Variants in ZMAT3 observed in about 807,000 individuals in gnomAD.
The protein encoded by ZMAT3 is zinc finger matrin-type 3, also known as zinc finger matrin-type protein 3.
Under a neutral mutation model 32.3 loss-of-function variants are expected in ZMAT3, and 17 were observed. The ratio of observed to expected loss-of-function variants is 0.53; its 90% CI spans 0.36 to 0.79. The LOEUF is 0.79. Among genes scored for constraint, ZMAT3 ranks in the 30% least tolerant of loss-of-function variants. The pLI is 0.00. For missense variants in ZMAT3, 329 were observed against 359.7 expected, an observed-to-expected ratio of 0.91 and a Z score of 0.69; for synonymous variants, 120 against 133.1, an observed-to-expected ratio of 0.90 and a Z score of 0.68.
At chr3:179,058,511 C>A (rs1377560792) in intron 2 of ZMAT3, among the ~76,000 whole-genome samples, 1 of 152,204 alleles carries the variant, frequency 6.6e-6, no homozygotes, top group Non-Finnish European at 1.5e-5. Flanking sequence ...AATCCCAGCA[C>A]TTTGGGAGGC....
At chr3:179,033,918 T>C (rs534632370) in intron 2 of ZMAT3, among the ~76,000 whole-genome samples, 5 of 152,308 alleles carry the variant, frequency 3.3e-5, no homozygotes, top group Admixed American at 1.3e-4. Context: ...AGACAGGCCT[T>C]CCAAATCAAA....
intron 2 of ZMAT3, among the ~76,000 whole-genome samples, chr3:179,036,941 C>T (rs1051509983): frequency 1.3e-5 from 2 of 152,128 alleles, no homozygotes; most frequent in African/African-American, 2.4e-5. Flanking sequence ...GTGAACCAAT[C>T]AGCACGCACT....
At chr3:179,047,626 G>A (rs1250137454) in intron 2 of ZMAT3, among the ~76,000 whole-genome samples, 1 of 151,926 alleles carries the variant, frequency 6.6e-6, no homozygotes, top group Non-Finnish European at 1.5e-5. Context: ...GCTGAGGCAG[G>A]CAGATCACCT....
intron 2 of ZMAT3, among the ~76,000 whole-genome samples, chr3:179,055,803 T>A (rs1228474423): frequency 3.3e-5 from 5 of 152,130 alleles, no homozygotes; most frequent in African/African-American, 1.2e-4. Context: ...TAACCCCAAA[T>A]GAGAGAAGTG....
At chr3:179,026,723 C>T (rs1718895937) in intron 5 of ZMAT3, among the ~76,000 whole-genome samples, 1 of 152,066 alleles carries the variant, frequency 6.6e-6, no homozygotes. Flanking sequence ...TTTTAGTAGG[C>T]TTCTCTGGCT....
intron 2 of ZMAT3, among the ~76,000 whole-genome samples, chr3:179,034,148 A>T (rs996213402): frequency 1.3e-5 from 2 of 152,228 alleles, no homozygotes; most frequent in African/African-American, 4.8e-5. Context: ...ACCTGCAGGC[A>T]AACATTTATT....
At chr3:179,039,347 G>T (rs1231314693) in intron 2 of ZMAT3, among the ~76,000 whole-genome samples, 1 of 152,158 alleles carries the variant, frequency 6.6e-6, no homozygotes. Flanking sequence ...TGCCCCTCTG[G>T]GATGCAGATT....
rs552963917 is a variant in ZMAT3 at position 179,031,058 on chromosome 3, T to A, written c.271-59A>T. On this transcript the variant is annotated intron_variant, in intron 2 of 5. Transcript: ENST00000311417. Reference sequence around the variant, plus strand: ...ACCCTTATCTGCAGTTTCAGCAATTTCAGTTAGCTATGGTCAACTGTGGTC... The same window carrying A: ...ACCCTTATCTGCAGTTTCAGCAATTACAGTTAGCTATGGTCAACTGTGGTC... 5.9e-6 allele frequency: 9 copies of A among 1,518,586 alleles called. No homozygotes were observed. In the African/African-American group the frequency reaches 1.1e-4, roughly 19 times the overall value. 94.1% of individuals were successfully genotyped at this position (1,518,586 alleles called of 1,614,324 possible). A position where few individuals can be genotyped will look rare whatever the true frequency, so the allele number is the denominator to read the frequency against.
At chr3:179,027,916 G>T in intron 3 of ZMAT3, 104 bp from the exon 4 acceptor site, 1 of 1,159,164 alleles carries the variant, frequency 8.6e-7, no homozygotes, top group Non-Finnish European at 1.2e-6. Flanking sequence ...AAAGGATATG[G>T]CATGACCACA....
rs1718458074 is a variant in ZMAT3, at chr3:179,019,889, A to G, written c.*5128T>C. ...AGAATAAAGAATTTTTCCAAACATC[A>G]GTGTCAAGCTCTTCCAATCAACCAC... On this transcript the variant is annotated 3_prime_UTR_variant, in exon 6 of 6. Coordinates refer to ENST00000311417, the MANE Select transcript of ZMAT3 (RefSeq NM_022470.4). 1 of 152,162 alleles carries G rather than the reference A, an allele frequency of 6.6e-6. No individual in the cohort carries two copies. 9.4% of individuals were successfully genotyped at this position (152,162 alleles called of 1,614,324 possible).
chr3:179,027,965 A>G (rs556953718), intron 3 of ZMAT3, among the ~76,000 whole-genome samples, 153 bp from the exon 4 acceptor site: 1 of 152,368 alleles, frequency 6.6e-6, no homozygotes, highest in African/African-American at 2.4e-5. Context: ...CAATCCAGGA[A>G]AACAAAAAGG....
At chr3:179,071,556 G>A (rs945106752) in intron 1 of ZMAT3, 39 bp downstream of exon 1, 1 of 152,226 alleles carries the variant, frequency 6.6e-6, no homozygotes, top group Non-Finnish European at 1.5e-5. Flanking sequence ...CCAGGGGCTC[G>A]TCCTGAAAGC....
chr3:179,048,023 A>G (rs1467850089), intron 2 of ZMAT3, among the ~76,000 whole-genome samples: 1 of 152,244 alleles, frequency 6.6e-6, no homozygotes, highest in East Asian at 1.9e-4. Context: ...AAATGCACTG[A>G]AAAGTCTCAG....
Position 179,030,745 on chromosome 3 carries a change from C to T in ZMAT3, c.390+135G>A, listed in dbSNP as rs139227893. The T allele has an allele frequency of 4.8e-3, 6,491 of 1,359,954 alleles. 20 individuals are homozygous for T. Among genetic ancestry groups the T allele is most frequent in the Non-Finnish European group, 5.6e-3 (5,728 of 1,021,384 alleles). The allele number at this position is 1,359,954 out of a possible 1,614,324, so 84.2% of individuals were successfully genotyped here. A position where few individuals can be genotyped will look rare whatever the true frequency, so the allele number is the denominator to read the frequency against. On this transcript the variant is annotated intron_variant, in intron 3 of 5. Coordinates refer to ENST00000311417, the MANE Select transcript of ZMAT3 (RefSeq NM_022470.4). ...ACTGTAGTTCAAGGAGTTAAAAGTA[C>T]CAAGCAGCATCTTTCAGGATTATTT...
Position 179,020,676 on chromosome 3 carries a change from C to G in ZMAT3, c.*4341G>C, listed in dbSNP as rs969357631. 1 of 152,190 alleles carries G rather than the reference C, an allele frequency of 6.6e-6. No homozygotes were observed. Among genetic ancestry groups the G allele is most frequent in the Non-Finnish European group, 1.5e-5 (1 of 68,052 alleles). The allele number at this position is 152,190 out of a possible 1,614,324, so 9.4% of individuals were successfully genotyped here. Reference sequence around the variant, plus strand: ...AGGGCATTTCCAACCTTAGTTCTGACAATGAAGACACAAAGTAGGTTAGGT... The same window carrying G: ...AGGGCATTTCCAACCTTAGTTCTGAGAATGAAGACACAAAGTAGGTTAGGT... On this transcript the variant is annotated 3_prime_UTR_variant, in exon 6 of 6. Transcript: ENST00000311417.
At chr3:179,026,000 T>A (rs959978748) in intron 5 of ZMAT3, among the ~76,000 whole-genome samples, 1 of 152,214 alleles carries the variant, frequency 6.6e-6, no homozygotes, top group African/African-American at 2.4e-5. Context: ...GGTAATACTT[T>A]TCTCAAAATA....
chr3:179,065,761 C>T (rs1252522437), intron 2 of ZMAT3, among the ~76,000 whole-genome samples: 1 of 152,020 alleles, frequency 6.6e-6, no homozygotes, highest in African/African-American at 2.4e-5. Flanking sequence ...CAAAAATTAG[C>T]TGGGTGTGCT....
At position 179,058,825 on chromosome 3, in the gene ZMAT3, T is replaced by C. The variant is rs556278668; in HGVS notation, c.270+8658A>G. 7.6e-5 allele frequency among the ~76,000 whole-genome samples: 10 copies of C among 132,120 alleles called. No individual in the cohort carries two copies. In the East Asian group the frequency reaches 2.6e-3, roughly 34 times the overall value. 86.7% of individuals were successfully genotyped at this position (132,120 alleles called of 152,430 possible). A position where few individuals can be genotyped will look rare whatever the true frequency, so the allele number is the denominator to read the frequency against. On this transcript the variant is annotated intron_variant, in intron 2 of 5. Coordinates refer to ENST00000311417, the MANE Select transcript of ZMAT3 (RefSeq NM_022470.4). The stretch of plus-strand genomic sequence containing the variant: ...TAGGGTATGCAGTGGTCAGTGATAA[T>C]GGAATACTTGAAAGTAATTCCCTCA...
rs1208532800 is a variant in ZMAT3, at chr3:179,020,811, C to A, written c.*4206G>T. The A allele has an allele frequency of 2.6e-5, 4 of 152,248 alleles. No individual in the cohort carries two copies. Among genetic ancestry groups the A allele is most frequent in the Non-Finnish European group, 4.4e-5 (3 of 68,054 alleles). 9.4% of individuals were successfully genotyped at this position (152,248 alleles called of 1,614,324 possible). On this transcript the variant is annotated 3_prime_UTR_variant, in exon 6 of 6. Transcript: ENST00000311417. The stretch of plus-strand genomic sequence containing the variant: ...TTTACGTAGGTCACTGGACCTCAAA[C>A]TGTTGTTGCTTGCTGTCCCAGCCAA...
Sources: gnomAD v4.1 joint callset for allele counts (sites outside exome capture counted in the v4.1 genomes callset) on GRCh38, gnomAD v4.1.1 for gene constraint, MANE v1.5 for transcripts, NCBI Gene and HGNC (gene_info 2026-07-23, HGNC 2026-07-21) for gene names.